The following SLC23A2 variants were observed in gnomAD, a reference collection of about 807,000 sequenced individuals.
SLC23A2 encodes the protein solute carrier family 23 member 2, also known as Na(+)/L-ascorbic acid transporter 2.
Under a neutral mutation model 73.3 loss-of-function variants are expected in SLC23A2, and 36 were observed. The ratio of observed to expected loss-of-function variants is 0.49; its 90% CI spans 0.38 to 0.65. The LOEUF (loss-of-function observed/expected upper bound fraction) is 0.65. SLC23A2 is among the 30% of genes least tolerant of loss of function. SLC23A2 has a pLI of 0.00. For synonymous variants in SLC23A2, 343 were observed against 327.3 expected (o/e 1.05, Z -0.52); for missense variants, 507 against 841.6 (o/e 0.60, Z 4.92).
intron 2 of SLC23A2, among the ~76,000 whole-genome samples, chr20:4,948,069 G>A (rs1431203946): frequency 6.6e-6 from 1 of 152,196 alleles, no homozygotes; most frequent in Non-Finnish European, 1.5e-5. Flanking sequence ...AGCCTCAGTA[G>A]GGCACTTGGT....
intron 11 of SLC23A2, among the ~76,000 whole-genome samples, chr20:4,873,435 T>C (rs796799894): frequency 3.3e-4 from 51 of 152,316 alleles, no homozygotes; most frequent in African/African-American, 1.2e-3. Flanking sequence ...AAGATGCAGC[T>C]TTTGGCCATT....
At chr20:4,978,247 G>T (rs1260975011) in intron 1 of SLC23A2, among the ~76,000 whole-genome samples, 1 of 152,126 alleles carries the variant, frequency 6.6e-6, no homozygotes, top group East Asian at 1.9e-4. Flanking sequence ...GTCAAGCTCA[G>T]TTAACACAAA....
At chr20:4,959,103 C>T (rs2087338335) in intron 2 of SLC23A2, among the ~76,000 whole-genome samples, 1 of 151,720 alleles carries the variant, frequency 6.6e-6, no homozygotes, top group African/African-American at 2.4e-5. Context: ...CCTGTAATCC[C>T]AGCTACTCAG....
At chr20:4,955,664 C>G (rs912899251) in intron 2 of SLC23A2, among the ~76,000 whole-genome samples, 2 of 151,968 alleles carry the variant, frequency 1.3e-5, no homozygotes, top group Non-Finnish European at 2.9e-5. Flanking sequence ...GGGGGCAGTG[C>G]CTTTAGTCCT....
chr20:4,945,378 G>A (rs1414508514), intron 2 of SLC23A2, among the ~76,000 whole-genome samples: 1 of 152,040 alleles, frequency 6.6e-6, no homozygotes, highest in African/African-American at 2.4e-5. Context: ...TCAAGCAATC[G>A]CAGCTCACTG....
At chr20:4,859,251 T>A (rs6052941) in intron 16 of SLC23A2, 38 bp downstream of exon 16, 222,526 of 999,208 alleles carry the variant, frequency 0.22, 28,093 homozygotes, top group African/African-American at 0.66. Flanking sequence ...TGTTAAAAAA[T>A]AAAAAAAAAA....
At chr20:4,941,358 A>T (rs566846620) in intron 2 of SLC23A2, among the ~76,000 whole-genome samples, 95 of 152,218 alleles carry the variant, frequency 6.2e-4, no homozygotes, top group Admixed American at 1.8e-3. Flanking sequence ...GTAAGATTCC[A>T]TCTCTACAAA....
At position 4,883,907 on chromosome 20, in the gene SLC23A2, A is replaced by T. The variant is rs1930992752; in HGVS notation, c.643-84T>A. ...ATGTCACCTACAACCACAACTGATAATTCTGCAAGGCAATAAGTTATTACA... is the reference window on the plus strand; with the variant it reads ...ATGTCACCTACAACCACAACTGATATTTCTGCAAGGCAATAAGTTATTACA... On this transcript the variant is annotated intron_variant, in intron 8 of 16. Transcript: ENST00000338244. This position sits in a 1 kb window ranked among gnomAD's most constrained non-coding sequence, Gnocchi z 4.5. 2.0e-6 allele frequency: 2 copies of T among 977,384 alleles called. No homozygotes were observed. Among genetic ancestry groups the T allele is most frequent in the East Asian group, 5.4e-5 (2 of 37,120 alleles). The allele number at this position is 977,384 out of a possible 1,614,324, so 60.5% of individuals were successfully genotyped here.
intron 2 of SLC23A2, among the ~76,000 whole-genome samples, chr20:4,940,365 T>C (rs2087021568): frequency 6.6e-6 from 1 of 151,432 alleles, no homozygotes; most frequent in Admixed American, 6.6e-5. Flanking sequence ...ATTTGAGAAA[T>C]AGGAGGAGTG....
Position 4,903,006 on chromosome 20 carries a change from G to T in SLC23A2, c.208-448C>A, listed in dbSNP as rs74917505. On this transcript the variant is annotated intron_variant, in intron 4 of 16. Coordinates refer to ENST00000338244, the MANE Select transcript of SLC23A2 (RefSeq NM_005116.6). ...GCCCCTCCCAGCCCACTTCATCCCT[G>T]CAAGTAAAAAGGATCTTTGTACTTT... Among the ~76,000 whole-genome samples, 1,070 of 152,162 alleles carry T rather than the reference G, an allele frequency of 7.0e-3. 6 individuals carry two copies. Among genetic ancestry groups the T allele is most frequent in the Non-Finnish European group, 0.011 (729 of 68,000 alleles).
intron 2 of SLC23A2, among the ~76,000 whole-genome samples, chr20:4,956,152 A>G (rs1416318454): frequency 1.3e-5 from 2 of 152,180 alleles, no homozygotes; most frequent in Non-Finnish European, 2.9e-5. Flanking sequence ...ATAATCTCTG[A>G]TTTGTTTTCC....
At chr20:4,941,155 CAA>C (rs113408496) in intron 2 of SLC23A2, among the ~76,000 whole-genome samples, 8 of 130,472 alleles carry the variant, frequency 6.1e-5, no homozygotes, top group African/African-American at 1.9e-4. Context: ...GACTCTGTCT[CAA>C]AAAAAAAAAA....
chr20:4,873,892 G>T (rs1343907272), intron 11 of SLC23A2, 44 bp downstream of exon 11: 13 of 1,566,060 alleles, frequency 8.3e-6, no homozygotes, highest in Non-Finnish European at 1.1e-5. Context: ...CTCTCAGTTG[G>T]GCCCTCGTGG....
intron 1 of SLC23A2, among the ~76,000 whole-genome samples, chr20:4,972,737 C>T (rs1337489422): frequency 1.3e-5 from 2 of 152,126 alleles, no homozygotes; most frequent in African/African-American, 2.4e-5. Flanking sequence ...AGGTGCCCGC[C>T]ACCATGCCTG....
At position 4,862,939 on chromosome 20, in the gene SLC23A2, G is replaced by C. The variant is rs371108180; in HGVS notation, c.1357-32C>G. ...AACACACAGGAGACTGGGAAACAGG[G>C]ACTCATCTCCATGCAAAATCACCGT... On this transcript the variant is annotated intron_variant, in intron 13 of 16. Transcript: ENST00000338244. The surrounding 1 kb of genome is among the most constrained non-coding windows in gnomAD (Gnocchi z 5.1). 3.6e-5 allele frequency: 57 copies of C among 1,590,550 alleles called. No individual in the cohort carries two copies. The highest frequency in any genetic ancestry group is 4.8e-5 in the Non-Finnish European group (56 of 1,162,988).
upstream of SLC23A2, among the ~76,000 whole-genome samples, chr20:5,004,117 AG>A (rs1197232767): frequency 1.3e-5 from 2 of 152,128 alleles, no homozygotes; most frequent in Non-Finnish European, 2.9e-5. Flanking sequence ...TCCCTAGACA[AG>A]ACAGACATCT....
chr20:4,860,540 T>C (rs1424767657), intron 15 of SLC23A2, among the ~76,000 whole-genome samples: 1 of 152,256 alleles, frequency 6.6e-6, no homozygotes, highest in Non-Finnish European at 1.5e-5. Context: ...CATTGCTGAC[T>C]GTCTTTCCCC....
At position 4,883,009 on chromosome 20, in the gene SLC23A2, T is replaced by TA. The variant is rs1930953932; in HGVS notation, c.824+632dup. ...GTTCTGTGACTCTAATCATCAGTAA[T>TA]ATTATCAAACTCCCCTGTGACTTCA... On this transcript the variant is annotated intron_variant, in intron 9 of 16. Transcript: ENST00000338244. The surrounding 1 kb of genome is among the most constrained non-coding windows in gnomAD (Gnocchi z 4.5). Among the ~76,000 whole-genome samples, 2 of 152,186 alleles carry TA rather than the reference T, an allele frequency of 1.3e-5. No individual in the cohort carries two copies. The highest frequency in any genetic ancestry group is 4.8e-5 in the African/African-American group (2 of 41,436).
rs1471173377 is a variant in SLC23A2, at chr20:4,888,108, C to T, written c.483-2199G>A. Among the ~76,000 whole-genome samples, 9 of 152,176 alleles carry T rather than the reference C, an allele frequency of 5.9e-5. No individual in the cohort carries two copies. In the East Asian group the frequency reaches 1.7e-3, roughly 29 times the overall value. On this transcript the variant is annotated intron_variant, in intron 6 of 16. Transcript: ENST00000338244. ...GGGTCTCCCTAGGCCGAGAAGACTG[C>T]CTGCTCTTTTATTTTGTACTAAAGA...
Sources: allele counts gnomAD v4.1 joint callset (sites outside exome capture counted in the v4.1 genomes callset), GRCh38; gene constraint gnomAD v4.1.1; non-coding constraint Gnocchi (gnomAD v3.1); transcripts MANE v1.5; gene names NCBI Gene and HGNC (gene_info 2026-07-23, HGNC 2026-07-21).